Variants in CCDC198 observed in about 807,000 individuals in gnomAD.
CCDC198 encodes the protein coiled-coil domain containing 198, also known as factor associated with metabolism and energy.
Under a neutral mutation model 35.6 loss-of-function variants are expected in CCDC198, and 18 were observed. The ratio of observed to expected loss-of-function variants is 0.51; its 90% CI spans 0.35 to 0.75. The LOEUF (loss-of-function observed/expected upper bound fraction) is 0.75, where lower values mean the gene tolerates loss of function less well. Ranked by LOEUF, CCDC198 falls within the 30% of genes least tolerant of loss-of-function variation. The pLI, the probability that CCDC198 is intolerant of heterozygous loss-of-function variation, is 0.01. For synonymous variants in CCDC198, 119 were observed against 113.4 expected, an observed-to-expected ratio of 1.05 and a Z score of -0.31; for missense variants, 365 against 343.7, an observed-to-expected ratio of 1.06 and a Z score of -0.49.
intron 2 of CCDC198, among the ~76,000 whole-genome samples, chr14:57,485,340 G>A (rs991345238): frequency 3.9e-5 from 6 of 152,108 alleles, no homozygotes; most frequent in African/African-American, 1.4e-4. Flanking sequence ...GGAATAAGCT[G>A]GCCAAGGAGA....
At chr14:57,492,911 A>G (rs917540875) in intron 1 of CCDC198, among the ~76,000 whole-genome samples, 7 of 152,178 alleles carry the variant, frequency 4.6e-5, no homozygotes, top group East Asian at 3.8e-4. Flanking sequence ...AGAGCTTCCA[A>G]TCATAATGGG....
rs1272128560 is a variant in CCDC198 at position 57,493,560 on chromosome 14, G to T, written c.156C>A (p.Asp52Glu). ...GCTGCCCTTCCAAGGCTTTATTCTG[G>T]TCCTGCAGTCTTGCCAGTGAATATG... ...KTSYSLARLQDQNKALEGQLP... is the reference protein window; with the variant it reads ...KTSYSLARLQEQNKALEGQLP... Residue 52 changes from aspartate (D) to glutamate (E), a missense_variant, in exon 1 of 6, where the codon GAC becomes GAA. Asp to Glu is a conservative substitution (Grantham distance 45). Transcript: ENST00000216445. 6.2e-7 allele frequency: 1 copy of T among 1,613,888 alleles called. No homozygotes were observed. Among genetic ancestry groups the T allele is most frequent in the African/African-American group, 1.3e-5 (1 of 74,992 alleles).
intron 5 of CCDC198, chr14:57,479,057 G>A: frequency 7.9e-7 from 1 of 1,273,530 alleles, no homozygotes; most frequent in Non-Finnish European, 1.0e-6. Context: ...AAACTTAATG[G>A]GGCTCTAATT....
chr14:57,471,448 A>C lies in CCDC198; in HGVS notation c.798T>G (p.Asp266Glu). ...LLWDSSSSDSDEQGKDEKKPR... is the reference protein window; with the variant it reads ...LLWDSSSSDSEEQGKDEKKPR... The stretch of plus-strand genomic sequence containing the variant: ...GCTTCTTCTCATCTTTCCCCTGCTC[A>C]TCTGAGTCAGAGCTGGAACTGTCCC... The change falls in exon 6 of 6, where the codon GAT (aspartate) becomes GAG (glutamate). Residue 266 changes from aspartate to glutamate, a missense_variant. Asp to Glu is a conservative substitution (Grantham distance 45). Transcript: ENST00000216445. 6.2e-7 allele frequency: 1 copy of C among 1,613,908 alleles called. No individual in the cohort carries two copies. The highest frequency in any genetic ancestry group is 1.7e-5 in the Admixed American group (1 of 60,002).
At position 57,493,590 on chromosome 14, in the gene CCDC198, C is replaced by A; in HGVS notation, c.126G>T (p.Lys42Asn). 6.2e-7 allele frequency: 1 copy of A among 1,613,950 alleles called. No individual in the cohort carries two copies. Among genetic ancestry groups the A allele is most frequent in the Non-Finnish European group, 8.5e-7 (1 of 1,179,914 alleles). The change falls in exon 1 of 6, where the codon AAG becomes AAT. Residue 42 changes from lysine (K) to asparagine (N), a missense_variant. Physicochemically the swap from Lys to Asn is moderately conservative, Grantham distance 94. Coordinates refer to ENST00000216445, the MANE Select transcript of CCDC198 (RefSeq NM_018168.4). Reference protein sequence around the residue: ...DFAFNQNLEEKTSYSLARLQD... With the variant: ...DFAFNQNLEENTSYSLARLQD... ...GCAGTCTTGCCAGTGAATATGAAGT[C>A]TTTTCTTCCAAATTCTGATTGAATG...
chr14:57,478,979 G>A (rs1037528954), intron 5 of CCDC198: 46 of 1,289,152 alleles, frequency 3.6e-5, no homozygotes, highest in African/African-American at 6.1e-5. Flanking sequence ...ACGGCACAGC[G>A]ATCTGTGTGT....
chr14:57,478,467 G>A, intron 5 of CCDC198: 2 of 986,234 alleles, frequency 2.0e-6, no homozygotes, highest in Non-Finnish European at 2.4e-6. Flanking sequence ...ACAAACCTTA[G>A]CTTGAACAAA....
chr14:57,482,684 C>A (rs2067228406), intron 3 of CCDC198, among the ~76,000 whole-genome samples: 1 of 152,076 alleles, frequency 6.6e-6, no homozygotes, highest in South Asian at 2.1e-4. Flanking sequence ...ATTTCTCCTG[C>A]AAACTGAGAA....
intron 5 of CCDC198, among the ~76,000 whole-genome samples, chr14:57,478,197 C>T (rs578087742): frequency 3.9e-5 from 6 of 152,300 alleles, no homozygotes; most frequent in Admixed American, 2.6e-4. Flanking sequence ...TCGCAGAGTG[C>T]AGCCTTCTTT....
chr14:57,475,850 G>A (rs1272495539), intron 5 of CCDC198: 1 of 254,054 alleles, frequency 3.9e-6, no homozygotes, highest in Non-Finnish European at 7.0e-6. Context: ...CGACCAGGTT[G>A]GAGAGCAGTG....
At chr14:57,486,532 G>C (rs2067366426) in intron 2 of CCDC198, among the ~76,000 whole-genome samples, 1 of 151,948 alleles carries the variant, frequency 6.6e-6, no homozygotes, top group South Asian at 2.1e-4. Context: ...AACAGGTCTG[G>C]GGTATGTCCT....
At chr14:57,475,149 T>A (rs986613356) in intron 5 of CCDC198, among the ~76,000 whole-genome samples, 14 of 151,460 alleles carry the variant, frequency 9.2e-5, no homozygotes, top group South Asian at 2.1e-4. Flanking sequence ...TAGTCCCAGC[T>A]ACTCGGGAGG....
At chr14:57,481,387 G>A (rs2067180334) in intron 4 of CCDC198, among the ~76,000 whole-genome samples, 172 bp downstream of exon 4, 1 of 152,194 alleles carries the variant, frequency 6.6e-6, no homozygotes, top group African/African-American at 2.4e-5. Context: ...AAGGTTATCA[G>A]CAGAAGGAAT....
chr14:57,487,001 C>T (rs2067384556), intron 2 of CCDC198, among the ~76,000 whole-genome samples: 1 of 152,122 alleles, frequency 6.6e-6, no homozygotes, highest in African/African-American at 2.4e-5. Flanking sequence ...AAATCCTTTG[C>T]CACTTGATTT....
At chr14:57,491,520 A>C (rs1203794543) in intron 1 of CCDC198, among the ~76,000 whole-genome samples, 6 of 152,164 alleles carry the variant, frequency 3.9e-5, no homozygotes, top group Non-Finnish European at 7.4e-5. Flanking sequence ...TAGATAGGTG[A>C]TTATACAGAG....
chr14:57,476,995 G>A (rs754855114), intron 5 of CCDC198, among the ~76,000 whole-genome samples: 20 of 152,234 alleles, frequency 1.3e-4, no homozygotes, highest in Non-Finnish European at 2.8e-4. Context: ...TGCCCCGTGA[G>A]TGCACGCCTG....
chr14:57,481,662 T>C lies in CCDC198; in HGVS notation c.394-2A>G, dbSNP rs1152522. 0.73 allele frequency: 1,151,508 copies of C among 1,579,326 alleles called. 429,061 individuals are homozygous for C. The highest frequency in any genetic ancestry group is 0.95 in the East Asian group (42,569 of 44,600). ...TTGCATTTTCTTTTCTAGTACCTGC[T>C]ATGAAAGACAACACACTTGTTAGTA... On this transcript the variant is annotated splice_acceptor_variant, in intron 3 of 5. Transcript: ENST00000216445. LOFTEE classifies it high-confidence loss of function.
intron 2 of CCDC198, among the ~76,000 whole-genome samples, chr14:57,485,992 G>T (rs758219890): frequency 1.3e-5 from 2 of 152,102 alleles, no homozygotes; most frequent in African/African-American, 2.4e-5. Context: ...AAGCAAATGG[G>T]ACCTGCTGGC....
At chr14:57,478,548 G>A in intron 5 of CCDC198, 1 of 986,742 alleles carries the variant, frequency 1.0e-6, no homozygotes, top group Non-Finnish European at 1.2e-6. Flanking sequence ...TTTCTCCTTG[G>A]TCCCCTCCAG....
Sources: allele counts gnomAD v4.1 joint callset (sites outside exome capture counted in the v4.1 genomes callset), GRCh38; gene constraint gnomAD v4.1.1; transcripts MANE v1.5; gene names NCBI Gene and HGNC (gene_info 2026-07-23, HGNC 2026-07-21).